HECTD4: variants seen among roughly 807,000 people sequenced by gnomAD.
HECTD4 encodes probable E3 ubiquitin-protein ligase HECTD4.
HECTD4 carries 114 observed loss-of-function variants against 471.5 expected under a neutral mutation model. That is an observed-to-expected ratio of 0.24 (90% CI 0.21 to 0.28). The LOEUF (loss-of-function observed/expected upper bound fraction) is 0.28. Ranked by LOEUF, HECTD4 falls within the 10% of genes least tolerant of loss-of-function variation. The probability of loss-of-function intolerance (pLI) is 1.00; values close to 1 mark genes in which losing one functional copy is unlikely to be tolerated. For missense variants in HECTD4, 3,866 were observed against 5,651.5 expected (o/e 0.68, Z 10.13); for synonymous variants, 2,012 against 2,256.0 (o/e 0.89, Z 3.07).
intron 29 of HECTD4, among the ~76,000 whole-genome samples, chr12:112,246,682 T>C (rs2033770480): frequency 3.9e-5 from 6 of 152,174 alleles, no homozygotes; most frequent in Admixed American, 1.3e-4. Flanking sequence ...CGCAGGAATT[T>C]AATGACATAC....
chr12:112,334,527 G>C lies in HECTD4; in HGVS notation c.178-14785C>G, dbSNP rs1269545493. On this transcript the variant is annotated intron_variant, in intron 1 of 75. Transcript: ENST00000682272. Reference sequence around the variant, plus strand: ...TGGCCATAATCGGCCAGGCACGGTGGCTCACGCCTGTAATCCCAGCACTTT... The same window carrying C: ...TGGCCATAATCGGCCAGGCACGGTGCCTCACGCCTGTAATCCCAGCACTTT... Among the ~76,000 whole-genome samples the C allele has an allele frequency of 5.3e-5, 8 of 151,620 alleles. No homozygotes were observed. The South Asian group carries it at 1.0e-3, about 20-fold the overall frequency.
intron 1 of HECTD4, among the ~76,000 whole-genome samples, chr12:112,367,838 A>AAAAAAAAAAAAAAAAT: frequency 6.7e-6 from 1 of 149,766 alleles, no homozygotes; most frequent in Non-Finnish European, 1.5e-5. Context: ...AAAAAAAAAA[A>AAAAAAAAAAAAAAAAT]AAAAAAAAAA....
Position 112,193,090 on chromosome 12 carries a change from A to AAGTTGTGTCTTTT in HECTD4, c.9056_9057insAAAAGACACAACT (p.Cys3019Ter). 1 of 1,614,022 alleles carries AAGTTGTGTCTTTT rather than the reference A, an allele frequency of 6.2e-7. No homozygotes were observed. The highest frequency in any genetic ancestry group is 8.5e-7 in the Non-Finnish European group (1 of 1,179,898). On this transcript the variant is annotated stop_gained and frameshift_variant, in exon 58 of 76. Transcript: ENST00000682272. LOFTEE classifies it high-confidence loss of function. The surrounding 1 kb of genome is among the most constrained non-coding windows in gnomAD (Gnocchi z 5.2). ...TGCGGAATCCAGATTGACTTTCTTT[A>AAGTTGTGTCTTTT]CAAGACACAACAACAAAAGCTGCCC...
chr12:112,190,734 T>C lies in HECTD4; in HGVS notation c.9472+52A>G, dbSNP rs1407601797. On this transcript the variant is annotated intron_variant, in intron 60 of 75. Transcript: ENST00000682272. ...TGGCAAGCTCCTTCCTCAGGCACCA[T>C]GCCAGCTCCACCCCCACCCTAGATT... 5.3e-6 allele frequency: 8 copies of C among 1,499,696 alleles called. No individual in the cohort carries two copies. The African/African-American group carries it at 5.5e-5, about 10-fold the overall frequency. The allele number at this position is 1,499,696 out of a possible 1,614,324, so 92.9% of individuals were successfully genotyped here.
chr12:112,328,443 A>T (rs1404468305), intron 1 of HECTD4, among the ~76,000 whole-genome samples: 1 of 152,156 alleles, frequency 6.6e-6, no homozygotes, highest in Admixed American at 6.6e-5. Flanking sequence ...CTGCCAATAC[A>T]AAACTTTTAA....
intron 55 of HECTD4, among the ~76,000 whole-genome samples, chr12:112,199,700 A>G (rs1363940566): frequency 6.6e-6 from 1 of 152,236 alleles, no homozygotes; most frequent in Non-Finnish European, 1.5e-5. Context: ...GGGCAGGCAC[A>G]TGCCTTGAAC....
Position 112,179,093 on chromosome 12 carries a change from C to T in HECTD4, c.11212-11G>A, listed in dbSNP as rs1439542308. 6.2e-7 allele frequency: 1 copy of T among 1,613,832 alleles called. No individual in the cohort carries two copies. The highest frequency in any genetic ancestry group is 8.5e-7 in the Non-Finnish European group (1 of 1,179,896). ...ATACTTCCTCAGGATCTGTGGAGCA[C>T]AGAGGCAGCGGGGAGGCTCTCAGGT... On this transcript the variant is annotated splice_polypyrimidine_tract_variant and intron_variant, in intron 63 of 75. Coordinates refer to ENST00000682272, the MANE Select transcript of HECTD4 (RefSeq NM_001388303.1). This position sits in a 1 kb window ranked among gnomAD's most constrained non-coding sequence, Gnocchi z 4.3.
At chr12:112,226,791 T>A (rs1355561617) in intron 43 of HECTD4, 33 bp from the exon 44 acceptor site, 2 of 1,462,068 alleles carry the variant, frequency 1.4e-6, no homozygotes, top group Non-Finnish European at 1.9e-6. Flanking sequence ...TATTTCAAAG[T>A]CATCAGTGTT....
chr12:112,250,427 TG>T, intron 24 of HECTD4, 50 bp from the exon 25 acceptor site: 1 of 1,323,352 alleles, frequency 7.6e-7, no homozygotes, highest in Admixed American at 1.8e-5. Context: ...ACAAGAGTAT[TG>T]GAAAGCTATT....
chr12:112,374,904 T>G (rs1042206412), intron 1 of HECTD4, among the ~76,000 whole-genome samples: 5 of 152,246 alleles, frequency 3.3e-5, no homozygotes, highest in African/African-American at 9.6e-5. Flanking sequence ...TAGGTTCCAT[T>G]TGTTAATTAA....
At chr12:112,219,602 A>AT (rs369653709) in intron 44 of HECTD4, 113 bp from the exon 45 acceptor site, 59,104 of 501,966 alleles carry the variant, frequency 0.12, 6 homozygotes, top group East Asian at 0.15. Context: ...AGCTCATTGA[A>AT]TTTTTTTTTT....
chr12:112,259,385 C>T (rs2034094265), intron 18 of HECTD4, 120 bp from the exon 19 acceptor site: 1 of 978,958 alleles, frequency 1.0e-6, no homozygotes, highest in South Asian at 1.6e-5. Context: ...TACTTAAGCA[C>T]TTTCAGCGAT....
At chr12:112,339,034 T>C (rs1326843714) in intron 1 of HECTD4, among the ~76,000 whole-genome samples, 4 of 152,022 alleles carry the variant, frequency 2.6e-5, no homozygotes, top group African/African-American at 9.7e-5. Context: ...TAGGATAACA[T>C]TTACAGGTTG....
chr12:112,238,005 C>A (rs2033556059), intron 34 of HECTD4, among the ~76,000 whole-genome samples: 1 of 152,162 alleles, frequency 6.6e-6, no homozygotes, highest in African/African-American at 2.4e-5. Context: ...CCGCCCTCCT[C>A]AGCCTCCCAA....
chr12:112,235,441 G>A lies in HECTD4; in HGVS notation c.5725+63C>T, dbSNP rs1426167790. 1.9e-6 allele frequency: 3 copies of A among 1,538,776 alleles called. No individual in the cohort carries two copies. In the African/African-American group the frequency reaches 4.1e-5, roughly 21 times the overall value. On this transcript the variant is annotated intron_variant, in intron 36 of 75. Transcript: ENST00000682272. The surrounding 1 kb of genome is among the most constrained non-coding windows in gnomAD (Gnocchi z 5.0). ...ATCATAGGAAGCACAGATGCAAGGG[G>A]GACCTGACTGGGCACAGGAATGCTG...
At chr12:112,277,861 C>T (rs1332853240) in intron 9 of HECTD4, among the ~76,000 whole-genome samples, 1 of 152,102 alleles carries the variant, frequency 6.6e-6, no homozygotes. Flanking sequence ...ATCATCTGCA[C>T]ATTTTTTTTA....
intron 4 of HECTD4, among the ~76,000 whole-genome samples, chr12:112,312,729 C>G (rs963301313): frequency 6.6e-6 from 1 of 152,132 alleles, no homozygotes; most frequent in African/African-American, 2.4e-5. Context: ...CTATCATACC[C>G]AAACTCAAAT....
At chr12:112,378,182 T>C (rs2135772798) in intron 1 of HECTD4, among the ~76,000 whole-genome samples, 1 of 152,180 alleles carries the variant, frequency 6.6e-6, no homozygotes, top group African/African-American at 2.4e-5. Context: ...TGAGGGACAT[T>C]ATTATCTCTA....
intron 7 of HECTD4, among the ~76,000 whole-genome samples, chr12:112,285,231 G>C (rs1468667642): frequency 6.6e-6 from 1 of 152,108 alleles, no homozygotes; most frequent in African/African-American, 2.4e-5. Context: ...CCTCCTTCCT[G>C]TCTCTCTCTT....
Sources: gnomAD v4.1 joint callset for allele counts (sites outside exome capture counted in the v4.1 genomes callset) on GRCh38, gnomAD v4.1.1 for gene constraint, Gnocchi (gnomAD v3.1) non-coding constraint, MANE v1.5 for transcripts, NCBI Gene and HGNC (gene_info 2026-07-23, HGNC 2026-07-21) for gene names.